The following TNNI3K variants were observed in gnomAD, a reference collection of about 807,000 sequenced individuals.
TNNI3K encodes TNNI3 interacting kinase, also known as serine/threonine-protein kinase TNNI3K.
A neutral mutation model predicts 114.5 loss-of-function variants in TNNI3K; 140 were observed. That is an observed-to-expected ratio of 1.22 (90% confidence interval 1.07 to 1.41). TNNI3K has a LOEUF of 1.41. Ranked by LOEUF, TNNI3K falls within the 40% of genes most tolerant of loss-of-function variation. The pLI is 0.00. For synonymous variants in TNNI3K, 347 were observed against 347.5 expected (o/e 1.00, Z 0.02); for missense variants, 1,125 against 1,007.6 (o/e 1.12, Z -1.58).
rs371426102 is a variant in TNNI3K, at chr1:74,331,435, C to A, written c.445-15C>A. 1.2e-6 allele frequency: 2 copies of A among 1,610,450 alleles called. No individual in the cohort carries two copies. Among genetic ancestry groups the A allele is most frequent in the East Asian group, 2.2e-5 (1 of 44,826 alleles). On this transcript the variant is annotated splice_polypyrimidine_tract_variant and intron_variant, in intron 5 of 24. Transcript: ENST00000326637. ...CTCAACTGAAGTTCTTAACCATAAT[C>A]ATTTTCTTGTCCAGGCTGCTGATGT... is the stretch of plus-strand genomic sequence containing the variant.
At chr1:74,372,443 G>T (rs1313299721) in intron 17 of TNNI3K, 3 of 151,782 alleles carry the variant, frequency 2.0e-5, no homozygotes, top group Non-Finnish European at 2.9e-5. Context: ...AATATTGAAA[G>T]TAAATGTAAA....
At chr1:74,349,553 C>T (rs1422258109) in intron 9 of TNNI3K, among the ~76,000 whole-genome samples, 1 of 152,132 alleles carries the variant, frequency 6.6e-6, no homozygotes, top group Non-Finnish European at 1.5e-5. Flanking sequence ...ATGGTACCAG[C>T]TCCTCCTTGT....
chr1:74,240,804 T>G (rs1297842710), intron 2 of TNNI3K: 1 of 152,052 alleles, frequency 6.6e-6, no homozygotes, highest in African/African-American at 2.4e-5. Flanking sequence ...TATTATACTT[T>G]AAGTTTTAGG....
intron 4 of TNNI3K, among the ~76,000 whole-genome samples, chr1:74,258,342 T>G (rs1476608690): frequency 1.3e-5 from 2 of 152,158 alleles, no homozygotes; most frequent in Non-Finnish European, 2.9e-5. Context: ...GAACTCTCAT[T>G]TACACTCTTA....
chr1:74,310,211 A>G (rs1658905746), intron 5 of TNNI3K, among the ~76,000 whole-genome samples: 1 of 152,156 alleles, frequency 6.6e-6, no homozygotes, highest in Non-Finnish European at 1.5e-5. Context: ...CACTTACAAG[A>G]GCCACACACA....
intron 11 of TNNI3K, 56 bp downstream of exon 11, chr1:74,354,185 T>C (rs1661539133): frequency 6.3e-7 from 1 of 1,597,032 alleles, no homozygotes; most frequent in African/African-American, 1.3e-5. Context: ...GTGCATAGAT[T>C]ATGTCAGTGC....
At chr1:74,238,198 G>T (rs45625532) in intron 2 of TNNI3K, among the ~76,000 whole-genome samples, 4 of 152,156 alleles carry the variant, frequency 2.6e-5, no homozygotes, top group African/African-American at 9.6e-5. Context: ...ACTTGAGTAA[G>T]AAAGCTATGT....
chr1:74,271,739 AAAGGTTATTT>A, intron 5 of TNNI3K, 31 bp downstream of exon 5: 8 of 1,566,918 alleles, frequency 5.1e-6, no homozygotes, highest in Non-Finnish European at 7.0e-6. Flanking sequence ...CTGTGAAAAC[AAAGGTTATTT>A]ACCTTTTCGG....
intron 17 of TNNI3K, among the ~76,000 whole-genome samples, chr1:74,402,263 C>T (rs1664403763): frequency 6.6e-6 from 1 of 152,054 alleles, no homozygotes; most frequent in African/African-American, 2.4e-5. Flanking sequence ...AAGCCTAATG[C>T]CTGCTTTCAT....
chr1:74,502,271 A>G (rs1296214564), intron 23 of TNNI3K, among the ~76,000 whole-genome samples: 1 of 152,186 alleles, frequency 6.6e-6, no homozygotes, highest in East Asian at 1.9e-4. Flanking sequence ...CAGTACTTAG[A>G]ACAGTGCCCG....
chr1:74,473,062 T>C (rs1186416234), intron 21 of TNNI3K, among the ~76,000 whole-genome samples: 1 of 152,126 alleles, frequency 6.6e-6, no homozygotes, highest in Non-Finnish European at 1.5e-5. Context: ...CTTCTTAATG[T>C]CTGCCTCTAA....
intron 20 of TNNI3K, among the ~76,000 whole-genome samples, chr1:74,445,118 G>A (rs1228705398): frequency 6.6e-6 from 1 of 151,962 alleles, no homozygotes; most frequent in East Asian, 1.9e-4. Context: ...CAGGACATAG[G>A]CATGGACAAA....
chr1:74,405,841 A>G (rs776464076), intron 17 of TNNI3K, among the ~76,000 whole-genome samples: 2 of 152,236 alleles, frequency 1.3e-5, no homozygotes, highest in Non-Finnish European at 2.9e-5. Flanking sequence ...GTTGAATACT[A>G]ATCTGAAACT....
intron 23 of TNNI3K, among the ~76,000 whole-genome samples, chr1:74,511,174 G>A (rs978380250): frequency 1.3e-5 from 2 of 148,758 alleles, no homozygotes; most frequent in African/African-American, 2.5e-5. Context: ...GATTACAGGC[G>A]TGAGCTACCG....
intron 2 of TNNI3K, among the ~76,000 whole-genome samples, chr1:74,241,019 G>A (rs1331243835): frequency 2.6e-5 from 4 of 151,746 alleles, no homozygotes; most frequent in Non-Finnish European, 5.9e-5. Context: ...GAGGACATGC[G>A]GTGTTTGGTT....
chr1:74,469,438 A>T (rs892357562), intron 21 of TNNI3K: 1 of 153,074 alleles, frequency 6.5e-6, no homozygotes, highest in Admixed American at 6.5e-5. Context: ...TCAAACACAA[A>T]TATGAATATA....
chr1:74,464,201 G>A (rs1004035193), intron 21 of TNNI3K, among the ~76,000 whole-genome samples: 3 of 152,238 alleles, frequency 2.0e-5, no homozygotes, highest in Admixed American at 1.3e-4. Context: ...TCTTAAGTGT[G>A]CAGACGGGTT....
Position 74,465,319 on chromosome 1 carries a change from A to T in TNNI3K, c.2121+1769A>T, listed in dbSNP as rs45619234. On this transcript the variant is annotated intron_variant, in intron 21 of 24. Coordinates refer to ENST00000326637, the MANE Select transcript of TNNI3K (RefSeq NM_015978.3). Reference sequence around the variant, plus strand: ...GGTAACCAGCTGGCGCTCGGGTGCCAGCATGAGTTCCCAGTGGGTGCAGGC... The same window carrying T: ...GGTAACCAGCTGGCGCTCGGGTGCCTGCATGAGTTCCCAGTGGGTGCAGGC... Among the ~76,000 whole-genome samples the T allele has an allele frequency of 8.0e-3, 1,213 of 152,314 alleles. 21 individuals are homozygous for T. Among genetic ancestry groups the T allele is most frequent in the African/African-American group, 0.028 (1,172 of 41,578 alleles).
intron 2 of TNNI3K, among the ~76,000 whole-genome samples, chr1:74,246,767 G>T (rs1197040155): frequency 6.6e-6 from 1 of 152,136 alleles, no homozygotes; most frequent in Non-Finnish European, 1.5e-5. Context: ...ATAAACACCT[G>T]AGAAAATGCA....
Sources: allele counts gnomAD v4.1 joint callset (sites outside exome capture counted in the v4.1 genomes callset), GRCh38; gene constraint gnomAD v4.1.1; transcripts MANE v1.5; gene names NCBI Gene and HGNC (gene_info 2026-07-23, HGNC 2026-07-21).